The following STMND1 variants were observed in gnomAD, a reference collection of about 807,000 sequenced individuals.
STMND1 encodes the protein stathmin domain-containing protein 1.
A neutral mutation model predicts 23.0 loss-of-function variants in STMND1; 17 were observed. The observed-to-expected ratio is 0.74, with a 90% CI of 0.51 to 1.11. The LOEUF is 1.11. STMND1 is among the 50% of genes least tolerant of loss of function. The pLI is 0.00. For synonymous variants in STMND1, 114 were observed against 119.9 expected (o/e 0.95, Z 0.32); for missense variants, 305 against 329.1 (o/e 0.93, Z 0.57).
chr6:17,126,099 A>T (rs866018938), intron 3 of STMND1, among the ~76,000 whole-genome samples: 11 of 37,480 alleles, frequency 2.9e-4, no homozygotes, highest in East Asian at 2.0e-3. Flanking sequence ...TTTTTTTTTT[A>T]AAGAGACAGG....
intron 1 of STMND1, among the ~76,000 whole-genome samples, chr6:17,103,598 G>A (rs1259200245): frequency 7.7e-6 from 1 of 129,960 alleles, no homozygotes; most frequent in Non-Finnish European, 1.6e-5. Flanking sequence ...TTGAGACGGA[G>A]TCTTGCTCTG....
chr6:17,116,703 G>A (rs942358247), intron 2 of STMND1, among the ~76,000 whole-genome samples: 3 of 152,228 alleles, frequency 2.0e-5, no homozygotes, highest in South Asian at 2.1e-4. Context: ...GCCTCCCAAA[G>A]TGTTGAGATT....
At chr6:17,104,356 T>C (rs1760987819) in intron 1 of STMND1, among the ~76,000 whole-genome samples, 1 of 152,236 alleles carries the variant, frequency 6.6e-6, no homozygotes, top group Admixed American at 6.5e-5. Context: ...CCTGATTACA[T>C]ATAAGACTTC....
chr6:17,131,043 A>C lies in STMND1; in HGVS notation c.*162A>C. On this transcript the variant is annotated 3_prime_UTR_variant, in exon 5 of 5. Transcript: ENST00000536551. ...TGCACAGGCTGAAGGTTAGTTGAGT[A>C]AATTAAGTAGCTATGCTAGCTTTTA... is the stretch of plus-strand genomic sequence containing the variant. 1.6e-6 allele frequency: 1 copy of C among 610,390 alleles called. No individual in the cohort carries two copies. Among genetic ancestry groups the C allele is most frequent in the Non-Finnish European group, 2.7e-6 (1 of 376,254 alleles). 37.8% of individuals were successfully genotyped at this position (610,390 alleles called of 1,614,324 possible).
At chr6:17,110,716 C>G in intron 1 of STMND1, 1 of 428,876 alleles carries the variant, frequency 2.3e-6, no homozygotes, top group South Asian at 1.7e-5. Context: ...TGCAGTGAGC[C>G]GAGATCGCAC....
At chr6:17,118,333 T>G (rs1267159365) in intron 2 of STMND1, among the ~76,000 whole-genome samples, 3 of 152,138 alleles carry the variant, frequency 2.0e-5, no homozygotes, top group Admixed American at 6.5e-5. Flanking sequence ...CTTATAAAAA[T>G]AAAATTTTGT....
chr6:17,112,548 C>T (rs544499843), intron 1 of STMND1, among the ~76,000 whole-genome samples: 322 of 152,070 alleles, frequency 2.1e-3, no homozygotes, highest in African/African-American at 7.2e-3. Flanking sequence ...GAGGCCGAGG[C>T]GGGTGGATCA....
At chr6:17,130,527 G>A in intron 4 of STMND1, 67 bp from the exon 5 acceptor site, 2 of 1,227,640 alleles carry the variant, frequency 1.6e-6, no homozygotes, top group Non-Finnish European at 2.2e-6. Flanking sequence ...TTCAATACAA[G>A]CAACATTAAT....
chr6:17,104,798 T>A (rs1760996571), intron 1 of STMND1, among the ~76,000 whole-genome samples: 1 of 152,180 alleles, frequency 6.6e-6, no homozygotes, highest in Non-Finnish European at 1.5e-5. Context: ...CAAGCTAGGT[T>A]TGATTTCTAG....
intron 3 of STMND1, among the ~76,000 whole-genome samples, chr6:17,121,372 C>A (rs1019133239): frequency 2.0e-5 from 3 of 152,126 alleles, no homozygotes; most frequent in Non-Finnish European, 4.4e-5. Context: ...ATTTGAGAAA[C>A]AATAGGCCCC....
rs1760946376 is a variant in STMND1 at position 17,102,194 on chromosome 6, G to T, written c.-64G>T. ...GCGGGACCACCGGCGCCGGAGCGCG[G>T]CAGGGAGCGCTCGCGGGGGCGCACA... On this transcript the variant is annotated 5_prime_UTR_variant, in exon 1 of 5. Coordinates refer to ENST00000536551, the MANE Select transcript of STMND1 (RefSeq NM_001190766.2). 5 of 1,456,588 alleles carry T rather than the reference G, an allele frequency of 3.4e-6. No individual in the cohort carries two copies. The highest frequency in any genetic ancestry group is 4.5e-6 in the Non-Finnish European group (5 of 1,108,942). The allele number at this position is 1,456,588 out of a possible 1,614,324, so 90.2% of individuals were successfully genotyped here.
chr6:17,123,412 C>T (rs913925698), intron 3 of STMND1, among the ~76,000 whole-genome samples: 73 of 152,298 alleles, frequency 4.8e-4, no homozygotes, highest in Non-Finnish European at 4.4e-5. Flanking sequence ...ATAAGCCAGG[C>T]TTGCAACAGA....
In STMND1 at chr6:17,129,169, A is replaced by G; in HGVS notation, c.469A>G (p.Ile157Val). Residue 157 changes from isoleucine to valine, a missense_variant, in exon 4 of 5, where the codon ATC (isoleucine) becomes GTC (valine). Ile to Val is a conservative substitution (Grantham distance 29, BLOSUM62 3). Transcript: ENST00000536551. ...KPPSRLKKLK[I>V]KKQVKDFTMK... ...ACCTTCCAGACTGAAAAAACTCAAG[A>G]TCAAAAAGCAAGTGAAGGATTTCAC... The G allele has an allele frequency of 6.5e-7, 1 of 1,536,012 alleles. No individual in the cohort carries two copies. Among genetic ancestry groups the G allele is most frequent in the Non-Finnish European group, 8.7e-7 (1 of 1,146,854 alleles).
intron 3 of STMND1, among the ~76,000 whole-genome samples, chr6:17,126,063 TATATATA>T (rs1489678615): frequency 1.2e-3 from 34 of 27,830 alleles, no homozygotes; most frequent in African/African-American, 4.0e-3. Flanking sequence ...TATATATATA[TATATATA>T]TTTTTTTTTT....
chr6:17,126,060 ATATATATATATTT>A (rs1482774087), intron 3 of STMND1, among the ~76,000 whole-genome samples: 10 of 23,886 alleles, frequency 4.2e-4, no homozygotes, highest in African/African-American at 1.5e-3. Context: ...ATATATATAT[ATATATATATATTT>A]TTTTTTTTTT....
At chr6:17,124,950 G>A (rs895125714) in intron 3 of STMND1, among the ~76,000 whole-genome samples, 3 of 151,468 alleles carry the variant, frequency 2.0e-5, no homozygotes, top group Admixed American at 2.0e-4. Context: ...AATAAGCCTT[G>A]ATTATACCAC....
At chr6:17,129,710 G>A (rs1401081155) in intron 4 of STMND1, among the ~76,000 whole-genome samples, 1 of 152,074 alleles carries the variant, frequency 6.6e-6, no homozygotes, top group Non-Finnish European at 1.5e-5. Context: ...CGGGCGTGGT[G>A]GCGGGCGCCT....
intron 3 of STMND1, 73 bp downstream of exon 3, chr6:17,120,831 ATTTCCAGCATATGCAAGT>A: frequency 8.2e-7 from 1 of 1,220,360 alleles, no homozygotes; most frequent in Non-Finnish European, 1.1e-6. Flanking sequence ...ATGAGTCATT[ATTTCCAGCATATGCAAGT>A]TACAATACAG....
At chr6:17,105,038 TACA>T (rs1450414227) in intron 1 of STMND1, among the ~76,000 whole-genome samples, 11 of 152,244 alleles carry the variant, frequency 7.2e-5, no homozygotes, top group Non-Finnish European at 1.0e-4. Context: ...AAACATACAG[TACA>T]ACAACTATTT....
Sources: gnomAD v4.1 joint callset for allele counts (sites outside exome capture counted in the v4.1 genomes callset) on GRCh38, gnomAD v4.1.1 for gene constraint, MANE v1.5 for transcripts, NCBI Gene and HGNC (gene_info 2026-07-23, HGNC 2026-07-21) for gene names.